The following GABRB2 variants were observed in gnomAD, a reference collection of about 807,000 sequenced individuals.
GABRB2 encodes the protein gamma-aminobutyric acid receptor subunit beta-2.
A neutral mutation model predicts 54.7 loss-of-function variants in GABRB2; 16 were observed. The ratio of observed to expected loss-of-function variants is 0.29; its 90% confidence interval spans 0.20 to 0.44. GABRB2 has a LOEUF of 0.44. GABRB2 is among the 20% of genes least tolerant of loss of function. GABRB2 has a pLI of 1.00. For missense variants in GABRB2, 355 were observed against 644.0 expected, an observed-to-expected ratio of 0.55 and a Z score of 4.86; for synonymous variants, 244 against 233.8, an observed-to-expected ratio of 1.04 and a Z score of -0.40.
At chr5:161,423,034 A>G (rs374233546) in intron 4 of GABRB2, among the ~76,000 whole-genome samples, 40 of 152,296 alleles carry the variant, frequency 2.6e-4, no homozygotes, top group Non-Finnish European at 4.4e-4. Flanking sequence ...GAACTATTCC[A>G]TCTTTGAAAA....
chr5:161,386,541 T>G (rs936411620), intron 5 of GABRB2, among the ~76,000 whole-genome samples: 1 of 152,084 alleles, frequency 6.6e-6, no homozygotes, highest in African/African-American at 2.4e-5. Flanking sequence ...AATATAAAAT[T>G]TCATACTTTT....
intron 5 of GABRB2, among the ~76,000 whole-genome samples, chr5:161,340,239 G>A (rs1430276837): frequency 6.6e-6 from 1 of 151,960 alleles, no homozygotes; most frequent in Non-Finnish European, 1.5e-5. Context: ...ACATTACTAG[G>A]AACTGCAAAC....
chr5:161,520,539 A>G (rs1760081941), intron 3 of GABRB2, among the ~76,000 whole-genome samples: 1 of 152,100 alleles, frequency 6.6e-6, no homozygotes, highest in Non-Finnish European at 1.5e-5. Context: ...TGGATATACT[A>G]TATGATAAAA....
intron 9 of GABRB2, among the ~76,000 whole-genome samples, chr5:161,296,327 C>A (rs1757378934): frequency 6.6e-6 from 1 of 152,112 alleles, no homozygotes. Context: ...ACTTAATTTG[C>A]AAAATTTCCT....
At chr5:161,357,599 T>C (rs911567206) in intron 5 of GABRB2, among the ~76,000 whole-genome samples, 1 of 151,846 alleles carries the variant, frequency 6.6e-6, no homozygotes, top group African/African-American at 2.4e-5. Flanking sequence ...ATGTTCTACA[T>C]TGGGTTGGTA....
At chr5:161,426,404 C>T (rs1055250750) in intron 4 of GABRB2, among the ~76,000 whole-genome samples, 1 of 151,922 alleles carries the variant, frequency 6.6e-6, no homozygotes, top group Admixed American at 6.6e-5. Context: ...GTGGTACATG[C>T]AAATCAGGGC....
intron 9 of GABRB2, among the ~76,000 whole-genome samples, chr5:161,310,793 C>T (rs575560672): frequency 1.1e-3 from 155 of 143,418 alleles, no homozygotes; most frequent in Non-Finnish European, 1.7e-3. Flanking sequence ...GATGGAGTCT[C>T]GCTCTGTCGC....
At chr5:161,350,483 C>T (rs1754441044) in intron 5 of GABRB2, among the ~76,000 whole-genome samples, 1 of 151,976 alleles carries the variant, frequency 6.6e-6, no homozygotes, top group African/African-American at 2.4e-5. Context: ...ACCAAAGAGG[C>T]TAAAGACCTG....
chr5:161,321,571 A>C (rs1209115185), intron 9 of GABRB2, among the ~76,000 whole-genome samples: 1 of 152,162 alleles, frequency 6.6e-6, no homozygotes, highest in Non-Finnish European at 1.5e-5. Flanking sequence ...ATAAGGACTC[A>C]CAGAAGCTAT....
At chr5:161,393,392 G>A (rs1156368082) in intron 5 of GABRB2, among the ~76,000 whole-genome samples, 2 of 143,148 alleles carry the variant, frequency 1.4e-5, no homozygotes, top group Non-Finnish European at 3.0e-5. Flanking sequence ...AAGGCCACGG[G>A]CTGGATTTGG....
chr5:161,481,641 A>G (rs1018021126), intron 3 of GABRB2, among the ~76,000 whole-genome samples: 2 of 152,066 alleles, frequency 1.3e-5, no homozygotes, highest in Non-Finnish European at 2.9e-5. Context: ...TATACAGTTC[A>G]TTCCATCAAA....
chr5:161,310,605 G>A (rs1757832406), intron 9 of GABRB2, among the ~76,000 whole-genome samples: 1 of 152,122 alleles, frequency 6.6e-6, no homozygotes, highest in Non-Finnish European at 1.5e-5. Flanking sequence ...AATCATTTCA[G>A]TTAAAATTCA....
At chr5:161,466,876 TTTAA>T (rs1758296403) in intron 3 of GABRB2, among the ~76,000 whole-genome samples, 1 of 152,128 alleles carries the variant, frequency 6.6e-6, no homozygotes, top group African/African-American at 2.4e-5. Context: ...CCTCTTTTCT[TTTAA>T]AGCATGGCTA....
At chr5:161,459,367 C>A in intron 4 of GABRB2, 1 of 504,990 alleles carries the variant, frequency 2.0e-6, no homozygotes, top group Non-Finnish European at 3.6e-6. Flanking sequence ...TTCTTTATCC[C>A]TAGTCCTTAA....
intron 3 of GABRB2, among the ~76,000 whole-genome samples, chr5:161,522,146 T>A (rs1760134607): frequency 6.6e-6 from 1 of 151,816 alleles, no homozygotes; most frequent in Admixed American, 6.6e-5. Context: ...TCTTTGTCAT[T>A]TGAAGATAAA....
intron 5 of GABRB2, among the ~76,000 whole-genome samples, chr5:161,357,766 A>G (rs1350211190): frequency 6.6e-6 from 1 of 152,160 alleles, no homozygotes; most frequent in African/African-American, 2.4e-5. Flanking sequence ...TCAAAATATT[A>G]CAAGTGGGAT....
At chr5:161,360,333 A>G (rs1362265541) in intron 5 of GABRB2, among the ~76,000 whole-genome samples, 1 of 152,194 alleles carries the variant, frequency 6.6e-6, no homozygotes, top group Non-Finnish European at 1.5e-5. Flanking sequence ...AACAAAGAAC[A>G]CTAGGTTTGT....
intron 3 of GABRB2, among the ~76,000 whole-genome samples, chr5:161,485,329 TA>T (rs371673962): frequency 0.014 from 2,167 of 152,078 alleles, 55 homozygotes; most frequent in African/African-American, 0.048. Flanking sequence ...AAATAGAGAC[TA>T]TGTCTGCCAT....
intron 9 of GABRB2, among the ~76,000 whole-genome samples, chr5:161,301,735 C>T (rs1192580952): frequency 6.6e-6 from 1 of 152,174 alleles, no homozygotes; most frequent in Non-Finnish European, 1.5e-5. Flanking sequence ...TACAAGGCTC[C>T]TTACCATCTG....
Sources: gnomAD v4.1 joint callset for allele counts (sites outside exome capture counted in the v4.1 genomes callset) on GRCh38, gnomAD v4.1.1 for gene constraint, MANE v1.5 for transcripts, NCBI Gene and HGNC (gene_info 2026-07-23, HGNC 2026-07-21) for gene names.